Variants in RBFOX1 observed in about 807,000 individuals in gnomAD.
RBFOX1 encodes RNA binding protein fox-1 homolog 1.
RBFOX1 carries 8 observed loss-of-function variants against 57.7 expected under a neutral mutation model. The ratio of observed to expected loss-of-function variants is 0.14; its 90% CI spans 0.08 to 0.25. The LOEUF (loss-of-function observed/expected upper bound fraction) is 0.25. Among genes scored for constraint, RBFOX1 ranks in the 10% least tolerant of loss-of-function variants. The pLI is 1.00. For synonymous variants in RBFOX1, 326 were observed against 222.4 expected (o/e 1.47, Z -4.15); for missense variants, 611 against 548.5 (o/e 1.11, Z -1.14).
At chr16:5,702,853 T>C (rs1450548533) in intron 3 of RBFOX1, among the ~76,000 whole-genome samples, 1 of 152,222 alleles carries the variant, frequency 6.6e-6, no homozygotes, top group Admixed American at 6.5e-5. Context: ...TAACACCCTC[T>C]ATGCCCATAT....
At chr16:7,101,689 C>T (rs1282734252) in intron 4 of RBFOX1, among the ~76,000 whole-genome samples, 1 of 152,090 alleles carries the variant, frequency 6.6e-6, no homozygotes, top group Non-Finnish European at 1.5e-5. Context: ...GGTAGGCATT[C>T]AAGTAGGGTG....
chr16:6,281,908 G>A (rs548132535), intron 1 of RBFOX1, among the ~76,000 whole-genome samples: 8 of 152,034 alleles, frequency 5.3e-5, no homozygotes, highest in East Asian at 1.9e-4. Flanking sequence ...CCCACTGCCC[G>A]CCTGAGTTGA....
At chr16:6,982,934 C>T (rs1443813289) in intron 3 of RBFOX1, among the ~76,000 whole-genome samples, 3 of 132,484 alleles carry the variant, frequency 2.3e-5, no homozygotes, top group South Asian at 2.4e-4. Flanking sequence ...GTGGAGGTTG[C>T]AGTGAGATAA....
At chr16:7,695,294 C>G (rs1490954717) in intron 14 of RBFOX1, among the ~76,000 whole-genome samples, 2 of 152,150 alleles carry the variant, frequency 1.3e-5, no homozygotes, top group Non-Finnish European at 2.9e-5. Context: ...GCAAGTTCAC[C>G]TTGCTCATAG....
Position 6,991,161 on chromosome 16 carries a change from A to AAACAAAC in RBFOX1, c.-15-60895_-15-60894insACAAACA, listed in dbSNP as rs1271872183. 1.7e-4 allele frequency among the ~76,000 whole-genome samples: 24 copies of AAACAAAC among 139,930 alleles called. 1 individual carries two copies. Among genetic ancestry groups the AAACAAAC allele is most frequent in the African/African-American group, 5.6e-4 (21 of 37,548 alleles). 91.8% of individuals were successfully genotyped at this position (139,930 alleles called of 152,430 possible). ...CAAAAAAAAAAAAAAAAAAAAAAAA[A>AAACAAAC]AGACACGGTGGCGTGTACCTTTAGT... On this transcript the variant is annotated intron_variant, in intron 3 of 15. Transcript: ENST00000550418.
At chr16:7,350,506 A>C (rs923191233) in intron 4 of RBFOX1, among the ~76,000 whole-genome samples, 3 of 152,172 alleles carry the variant, frequency 2.0e-5, no homozygotes, top group Non-Finnish European at 4.4e-5. Context: ...CAGAATTTCA[A>C]GTAGGAGAAC....
At chr16:6,118,370 T>C (rs1000485727) in intron 1 of RBFOX1, among the ~76,000 whole-genome samples, 8 of 152,198 alleles carry the variant, frequency 5.3e-5, no homozygotes, top group African/African-American at 1.7e-4. Flanking sequence ...TTATTTCTTA[T>C]AGTTATGGAG....
At chr16:6,836,964 C>G (rs1211728461) in intron 3 of RBFOX1, among the ~76,000 whole-genome samples, 3 of 152,020 alleles carry the variant, frequency 2.0e-5, no homozygotes, top group Non-Finnish European at 4.4e-5. Flanking sequence ...GGAAGGATGG[C>G]TGGATGGGTG....
chr16:5,618,699 C>T (rs940551247), intron 3 of RBFOX1, among the ~76,000 whole-genome samples: 2 of 152,202 alleles, frequency 1.3e-5, no homozygotes, highest in African/African-American at 2.4e-5. Flanking sequence ...AAGAAATGCC[C>T]ATGAACACCA....
intron 14 of RBFOX1, among the ~76,000 whole-genome samples, chr16:7,699,823 C>G (rs1037386502): frequency 6.6e-6 from 1 of 152,066 alleles, no homozygotes; most frequent in East Asian, 1.9e-4. Flanking sequence ...CTCTCAATCC[C>G]ATTTTAGAAC....
intron 3 of RBFOX1, among the ~76,000 whole-genome samples, chr16:6,998,378 G>C (rs2092449745): frequency 6.6e-6 from 1 of 152,110 alleles, no homozygotes; most frequent in Non-Finnish European, 1.5e-5. Context: ...AGATGCTACA[G>C]ATGGTGAAAA....
intron 4 of RBFOX1, among the ~76,000 whole-genome samples, chr16:7,446,688 C>T (rs1203548532): frequency 6.6e-6 from 1 of 152,004 alleles, no homozygotes; most frequent in Non-Finnish European, 1.5e-5. Context: ...TTGGGCAACC[C>T]CATAGAGCAA....
chr16:5,984,554 TG>T (rs2060243984), intron 4 of RBFOX1, among the ~76,000 whole-genome samples: 1 of 152,080 alleles, frequency 6.6e-6, no homozygotes, highest in African/African-American at 2.4e-5. Flanking sequence ...ACCTAACCCT[TG>T]GAACAATCTT....
chr16:6,814,247 TGG>T (rs1567367209), intron 3 of RBFOX1, among the ~76,000 whole-genome samples: 2 of 99,302 alleles, frequency 2.0e-5, no homozygotes, highest in African/African-American at 6.8e-5. Flanking sequence ...GAGAAAATTG[TGG>T]TGGGGGGGAG....
chr16:7,469,003 G>A (rs1219728478), intron 4 of RBFOX1, among the ~76,000 whole-genome samples: 2 of 151,682 alleles, frequency 1.3e-5, no homozygotes, highest in Admixed American at 6.6e-5. Context: ...TTGCCATCTC[G>A]GCTCGCTGCA....
At chr16:7,172,601 A>G (rs1466618403) in intron 4 of RBFOX1, among the ~76,000 whole-genome samples, 2 of 151,508 alleles carry the variant, frequency 1.3e-5, no homozygotes, top group Non-Finnish European at 1.5e-5. Context: ...ATATTGGAGA[A>G]AAAAAAAAGA....
At chr16:6,635,070 T>C (rs1485020756) in intron 2 of RBFOX1, among the ~76,000 whole-genome samples, 1 of 103,826 alleles carries the variant, frequency 9.6e-6, no homozygotes, top group Non-Finnish European at 2.0e-5. Flanking sequence ...ATATGTTATA[T>C]ATTTTAATTT....
intron 2 of RBFOX1, among the ~76,000 whole-genome samples, chr16:6,615,396 C>G (rs937401121): frequency 6.6e-6 from 1 of 152,068 alleles, no homozygotes; most frequent in African/African-American, 2.4e-5. Context: ...ATGCCAAAAC[C>G]CCGTCTCTAC....
chr16:7,648,416 G>A (rs1287353936), intron 11 of RBFOX1, among the ~76,000 whole-genome samples: 4 of 151,896 alleles, frequency 2.6e-5, no homozygotes, highest in African/African-American at 9.7e-5. Context: ...GTAGAGACGG[G>A]GTTACATCAT....
Sources: allele counts gnomAD v4.1 joint callset (sites outside exome capture counted in the v4.1 genomes callset), GRCh38; gene constraint gnomAD v4.1.1; transcripts MANE v1.5; gene names NCBI Gene and HGNC (gene_info 2026-07-23, HGNC 2026-07-21).